Variants in XYLT1 observed in about 807,000 individuals in gnomAD.
XYLT1 encodes the protein beta-D-xylosyltransferase 1.
Under a neutral mutation model 91.3 loss-of-function variants are expected in XYLT1, and 36 were observed. The ratio of observed to expected loss-of-function variants is 0.39; its 90% CI spans 0.30 to 0.52. The LOEUF (loss-of-function observed/expected upper bound fraction) is 0.52. XYLT1 is among the 20% of genes least tolerant of loss of function. The pLI, the probability that XYLT1 is intolerant of heterozygous loss-of-function variation, is 0.68. For missense variants in XYLT1, 1,242 were observed against 1,284.5 expected (o/e 0.97, Z 0.51); for synonymous variants, 588 against 532.0 (o/e 1.11, Z -1.45).
At chr16:17,317,015 A>G (rs58215386) in intron 2 of XYLT1, among the ~76,000 whole-genome samples, 37,881 of 149,466 alleles carry the variant, frequency 0.25, 5,421 homozygotes, top group African/African-American at 0.39. Flanking sequence ...GTAGAGACGG[A>G]GTTTCACCGT....
intron 2 of XYLT1, among the ~76,000 whole-genome samples, chr16:17,295,741 G>A (rs2034300114): frequency 6.6e-6 from 1 of 152,174 alleles, no homozygotes; most frequent in African/African-American, 2.4e-5. Flanking sequence ...TCACACTTGG[G>A]GAAGGGGAAT....
chr16:17,207,142 C>G (rs2032664605), intron 3 of XYLT1, among the ~76,000 whole-genome samples: 1 of 146,938 alleles, frequency 6.8e-6, no homozygotes, highest in Admixed American at 7.0e-5. Context: ...ACTGCAACAT[C>G]TGCCTCCCAG....
In XYLT1 at chr16:17,275,768, C is replaced by T. The variant is rs1030773260; in HGVS notation, c.403-16270G>A. On this transcript the variant is annotated intron_variant, in intron 2 of 11. Transcript: ENST00000261381. ...ATTCTCCGATCCAGGTCCTCTGGGA[C>T]GGGGCACTTAAGGAGACAAATGGGT... 7.9e-5 allele frequency among the ~76,000 whole-genome samples: 12 copies of T among 152,256 alleles called. No individual in the cohort carries two copies. The East Asian group carries it at 9.7e-4, about 12-fold the overall frequency.
chr16:17,466,963 T>C (rs947276118), intron 1 of XYLT1, among the ~76,000 whole-genome samples: 23 of 152,100 alleles, frequency 1.5e-4, no homozygotes, highest in African/African-American at 5.1e-4. Flanking sequence ...GAAGAAAAGC[T>C]ATACCTCCAA....
At chr16:17,292,500 C>T (rs975526485) in intron 2 of XYLT1, among the ~76,000 whole-genome samples, 1 of 152,208 alleles carries the variant, frequency 6.6e-6, no homozygotes, top group African/African-American at 2.4e-5. Flanking sequence ...AAATGACCTG[C>T]TGTGCAGGGC....
chr16:17,247,095 T>C (rs543355632), intron 3 of XYLT1, among the ~76,000 whole-genome samples: 1 of 152,352 alleles, frequency 6.6e-6, no homozygotes, highest in East Asian at 1.9e-4. Context: ...TGTTGACTTA[T>C]GCAGAAAGGA....
At chr16:17,267,638 T>G (rs993326021) in intron 2 of XYLT1, among the ~76,000 whole-genome samples, 10 of 152,096 alleles carry the variant, frequency 6.6e-5, no homozygotes, top group African/African-American at 1.9e-4. Context: ...CTCAATCTCC[T>G]GACCTCATGA....
At chr16:17,258,869 G>A (rs1259118388) in intron 3 of XYLT1, 119 bp downstream of exon 3, 12 of 1,225,660 alleles carry the variant, frequency 9.8e-6, no homozygotes, top group Non-Finnish European at 3.2e-6. Flanking sequence ...TGCTCATCTG[G>A]GGTTTGGAAA....
intron 2 of XYLT1, among the ~76,000 whole-genome samples, chr16:17,278,661 T>C (rs1277050637): frequency 6.6e-6 from 1 of 152,224 alleles, no homozygotes; most frequent in Non-Finnish European, 1.5e-5. Context: ...CAGCATCTAC[T>C]GTTTACCCAA....
intron 2 of XYLT1, among the ~76,000 whole-genome samples, chr16:17,315,978 G>A (rs1010892284): frequency 6.6e-6 from 1 of 152,156 alleles, no homozygotes; most frequent in Admixed American, 6.5e-5. Context: ...GACGCCAGGA[G>A]AAGCTTAGGA....
intron 10 of XYLT1, 128 bp downstream of exon 10, chr16:17,127,538 A>G (rs1464079760): frequency 1.9e-5 from 22 of 1,157,830 alleles, no homozygotes; most frequent in Middle Eastern, 5.7e-4. Context: ...GCACAGGGTT[A>G]GCTTATCTTT....
At chr16:17,165,527 A>C (rs1317091317) in intron 5 of XYLT1, among the ~76,000 whole-genome samples, 1 of 125,668 alleles carries the variant, frequency 8.0e-6, no homozygotes, top group African/African-American at 3.6e-5. Flanking sequence ...TCTACTAAAA[A>C]TACAAAAAAA....
chr16:17,243,484 A>G (rs992688436), intron 3 of XYLT1, among the ~76,000 whole-genome samples: 1 of 152,180 alleles, frequency 6.6e-6, no homozygotes, highest in African/African-American at 2.4e-5. Flanking sequence ...TCCATTACTA[A>G]CTATACCAGG....
chr16:17,309,971 TG>T (rs141798164), intron 2 of XYLT1, among the ~76,000 whole-genome samples: 1,667 of 152,286 alleles, frequency 0.011, 31 homozygotes, highest in African/African-American at 0.037. Flanking sequence ...AGATGCCGTG[TG>T]TGCTCAAAGG....
intron 1 of XYLT1, among the ~76,000 whole-genome samples, chr16:17,397,650 GA>G (rs150413405): frequency 0.019 from 2,914 of 152,182 alleles, 87 homozygotes; most frequent in African/African-American, 0.065. Context: ...GGCAAGCTGA[GA>G]AAACTAAAGT....
chr16:17,361,756 C>T (rs1209483421), intron 1 of XYLT1, among the ~76,000 whole-genome samples: 5 of 152,196 alleles, frequency 3.3e-5, no homozygotes, highest in Non-Finnish European at 7.3e-5. Context: ...AATGATTACT[C>T]AGAATCCTTT....
At chr16:17,287,752 G>C (rs566612257) in intron 2 of XYLT1, among the ~76,000 whole-genome samples, 2 of 152,258 alleles carry the variant, frequency 1.3e-5, no homozygotes, top group Non-Finnish European at 2.9e-5. Flanking sequence ...GTGAGGAGCA[G>C]GGGAGGCAAA....
chr16:17,385,599 T>A (rs1020677077), intron 1 of XYLT1, among the ~76,000 whole-genome samples: 1 of 151,900 alleles, frequency 6.6e-6, no homozygotes, highest in Non-Finnish European at 1.5e-5. Flanking sequence ...GTTTTTGCCA[T>A]ATTTCTGTAC....
At chr16:17,414,233 T>A (rs1187591603) in intron 1 of XYLT1, among the ~76,000 whole-genome samples, 2 of 152,240 alleles carry the variant, frequency 1.3e-5, no homozygotes, top group African/African-American at 2.4e-5. Context: ...CATCTCTATT[T>A]ATTTATTTGG....
Sources: allele counts gnomAD v4.1 joint callset (sites outside exome capture counted in the v4.1 genomes callset), GRCh38; gene constraint gnomAD v4.1.1; transcripts MANE v1.5; gene names NCBI Gene and HGNC (gene_info 2026-07-23, HGNC 2026-07-21).